Variants in CSGALNACT1 observed in about 807,000 individuals in gnomAD.
CSGALNACT1 encodes the protein beta4GalNAcT-1.
Under a neutral mutation model 51.0 loss-of-function variants are expected in CSGALNACT1, and 52 were observed. The observed-to-expected ratio is 1.02, with a 90% CI of 0.82 to 1.29. The LOEUF is 1.29. Among genes scored for constraint, CSGALNACT1 ranks in the 50% most tolerant of loss-of-function variants. The probability of loss-of-function intolerance (pLI) is 0.00; values close to 1 mark genes in which losing one functional copy is unlikely to be tolerated. For missense variants in CSGALNACT1, 935 were observed against 679.2 expected (o/e 1.38, Z -4.19); for synonymous variants, 341 against 254.4 (o/e 1.34, Z -3.24).
chr8:19,738,726 A>C (rs12056362), intron 1 of CSGALNACT1, among the ~76,000 whole-genome samples: 76,623 of 152,016 alleles, frequency 0.5, 19,531 homozygotes, highest in South Asian at 0.62. Flanking sequence ...GGGCTGGCCA[A>C]GCATCACTAA....
chr8:19,540,666 C>T (rs761137435), intron 3 of CSGALNACT1, among the ~76,000 whole-genome samples: 13 of 152,058 alleles, frequency 8.5e-5, no homozygotes, highest in African/African-American at 1.2e-4. Flanking sequence ...TCAGCCCTTA[C>T]GTCCTAGATT....
intron 4 of CSGALNACT1, among the ~76,000 whole-genome samples, chr8:19,467,067 A>C (rs2066864448): frequency 6.7e-6 from 1 of 148,394 alleles, no homozygotes; most frequent in South Asian, 2.1e-4. Context: ...CTAAGAACTC[A>C]CTTAGAGTGC....
At chr8:19,618,947 A>G (rs180766378) in intron 1 of CSGALNACT1, among the ~76,000 whole-genome samples, 1 of 152,272 alleles carries the variant, frequency 6.6e-6, no homozygotes, top group East Asian at 1.9e-4. Flanking sequence ...AGGTGATAAA[A>G]CAGGCAAATC....
chr8:19,719,969 G>A (rs2063026412), intron 1 of CSGALNACT1, among the ~76,000 whole-genome samples: 1 of 152,196 alleles, frequency 6.6e-6, no homozygotes. Flanking sequence ...TCTAATAATA[G>A]AAGGAGCACA....
chr8:19,721,014 T>G (rs1180449841), intron 1 of CSGALNACT1, among the ~76,000 whole-genome samples: 4 of 152,142 alleles, frequency 2.6e-5, no homozygotes, highest in African/African-American at 9.7e-5. Context: ...AAGCACTGTT[T>G]CCCGGACCAC....
chr8:19,518,614 G>A (rs1265975734), intron 3 of CSGALNACT1, among the ~76,000 whole-genome samples: 2 of 152,176 alleles, frequency 1.3e-5, no homozygotes, highest in African/African-American at 4.8e-5. Flanking sequence ...TTTCTCTGTA[G>A]AGAGAGCAGT....
At chr8:19,680,832 T>C (rs1430870009) in intron 1 of CSGALNACT1, among the ~76,000 whole-genome samples, 1 of 152,056 alleles carries the variant, frequency 6.6e-6, no homozygotes, top group Non-Finnish European at 1.5e-5. Context: ...GAAAAACAAA[T>C]ATCCCAGAAC....
intron 1 of CSGALNACT1, among the ~76,000 whole-genome samples, chr8:19,712,775 A>T (rs1033975074): frequency 1.3e-5 from 2 of 152,206 alleles, no homozygotes; most frequent in Admixed American, 6.5e-5. Context: ...ACAGATGAGC[A>T]TCTCACTGAG....
At chr8:19,639,818 C>T (rs756008645) in intron 1 of CSGALNACT1, among the ~76,000 whole-genome samples, 43 of 151,680 alleles carry the variant, frequency 2.8e-4, no homozygotes, top group Admixed American at 2.0e-4. Context: ...ACGATATATC[C>T]ATTTGCATTA....
At chr8:19,516,699 A>G (rs999566651) in intron 3 of CSGALNACT1, among the ~76,000 whole-genome samples, 1 of 151,870 alleles carries the variant, frequency 6.6e-6, no homozygotes, top group Admixed American at 6.6e-5. Context: ...ATTCCACCAG[A>G]CCCTCCAGCC....
chr8:19,753,114 C>T (rs2065142923), intron 1 of CSGALNACT1, among the ~76,000 whole-genome samples: 1 of 152,254 alleles, frequency 6.6e-6, no homozygotes, highest in African/African-American at 2.4e-5. Flanking sequence ...GGCAGGGAGA[C>T]ACCATGGCCT....
intron 1 of CSGALNACT1, among the ~76,000 whole-genome samples, chr8:19,658,128 T>C (rs537134851): frequency 6.8e-6 from 1 of 146,132 alleles, no homozygotes; most frequent in Non-Finnish European, 1.5e-5. Context: ...GATTTGGAGA[T>C]GGGGCCTTTG....
At chr8:19,649,269 T>G (rs1372414280) in intron 1 of CSGALNACT1, among the ~76,000 whole-genome samples, 2 of 152,146 alleles carry the variant, frequency 1.3e-5, no homozygotes, top group Non-Finnish European at 2.9e-5. Flanking sequence ...AACCTCCTAG[T>G]GTAGATATTA....
chr8:19,609,554 G>A lies in CSGALNACT1; in HGVS notation c.-543-7689C>T, dbSNP rs533730060. On this transcript the variant is annotated intron_variant, in intron 1 of 9. Transcript: ENST00000332246. Reference sequence around the variant, plus strand: ...ATTGATACACATATCAGCATGGATCGTAATTATGCCAAGGAAAAGAAACCC... The same window carrying A: ...ATTGATACACATATCAGCATGGATCATAATTATGCCAAGGAAAAGAAACCC... Among the ~76,000 whole-genome samples, 40 of 151,096 alleles carry A rather than the reference G, an allele frequency of 2.6e-4. No individual in the cohort carries two copies. In the South Asian group the frequency reaches 5.1e-3, roughly 19 times the overall value.
At chr8:19,684,321 C>T (rs989803144), upstream of CSGALNACT1, among the ~76,000 whole-genome samples, 4 of 152,014 alleles carry the variant, frequency 2.6e-5, no homozygotes, top group African/African-American at 7.2e-5. Flanking sequence ...GGAAAAGGTA[C>T]GTTCATTGAC....
rs147074388 is a variant in CSGALNACT1 at position 19,725,219 on chromosome 8, C to G, written c.-297+32631G>C. Reference sequence around the variant, plus strand: ...GTCCAAGGCACTAAGCCTTGGCGAGCGCTTTGCTAGTGCAGCCCACCCTCC... The same window carrying G: ...GTCCAAGGCACTAAGCCTTGGCGAGGGCTTTGCTAGTGCAGCCCACCCTCC... On this transcript the variant is annotated intron_variant, in intron 1 of 1. Coordinates refer to the CSGALNACT1 transcript ENST00000517494. Among the ~76,000 whole-genome samples the G allele has an allele frequency of 4.1e-3, 622 of 152,238 alleles. 2 individuals carry two copies. The highest frequency in any genetic ancestry group is 0.017 in the Middle Eastern group (5 of 290).
chr8:19,558,011 T>C (rs1452779532), intron 3 of CSGALNACT1, among the ~76,000 whole-genome samples: 1 of 152,224 alleles, frequency 6.6e-6, no homozygotes, highest in Non-Finnish European at 1.5e-5. Flanking sequence ...CCAACTCTAA[T>C]AATAAATGCC....
At chr8:19,746,337 G>A (rs1245158404) in intron 1 of CSGALNACT1, among the ~76,000 whole-genome samples, 2 of 152,160 alleles carry the variant, frequency 1.3e-5, no homozygotes, top group Non-Finnish European at 2.9e-5. Flanking sequence ...CAACCTGAGA[G>A]TAGGCATCTT....
intron 1 of CSGALNACT1, among the ~76,000 whole-genome samples, chr8:19,669,870 C>T (rs1217279017): frequency 1.3e-5 from 2 of 152,174 alleles, no homozygotes; most frequent in East Asian, 3.8e-4. Flanking sequence ...CCTCCAGATA[C>T]TATTCAAACT....
Sources: gnomAD v4.1 joint callset for allele counts (sites outside exome capture counted in the v4.1 genomes callset) on GRCh38, gnomAD v4.1.1 for gene constraint, MANE v1.5 for transcripts, NCBI Gene and HGNC (gene_info 2026-07-23, HGNC 2026-07-21) for gene names.